Variants in CAMK1D observed in about 807,000 individuals in gnomAD.
The protein encoded by CAMK1D is calcium/calmodulin-dependent protein kinase type 1D.
Under a neutral mutation model 47.7 loss-of-function variants are expected in CAMK1D, and 9 were observed. The ratio of observed to expected loss-of-function variants is 0.19; its 90% CI spans 0.11 to 0.33. The LOEUF is 0.33. CAMK1D is among the 10% of genes least tolerant of loss of function. CAMK1D has a pLI of 1.00. For synonymous variants in CAMK1D, 184 were observed against 184.9 expected, an observed-to-expected ratio of 0.99 and a Z score of 0.04; for missense variants, 291 against 488.7, an observed-to-expected ratio of 0.60 and a Z score of 3.81.
At chr10:12,776,910 C>G (rs969828440) in intron 5 of CAMK1D, among the ~76,000 whole-genome samples, 1 of 152,188 alleles carries the variant, frequency 6.6e-6, no homozygotes, top group Non-Finnish European at 1.5e-5. Flanking sequence ...CCACCTCATT[C>G]CGCCTGAGCT....
chr10:12,816,240 T>C lies in CAMK1D; in HGVS notation c.755-10T>C. The C allele has an allele frequency of 6.2e-7, 1 of 1,613,284 alleles. No homozygotes were observed. ...AGTGATTCCTTCCCTTGTGCCTTCT[T>C]TTTGAACAGCAAAAGACTTCATTCG... On this transcript the variant is annotated splice_polypyrimidine_tract_variant and intron_variant, in intron 7 of 10. Coordinates refer to ENST00000619168, the MANE Select transcript of CAMK1D (RefSeq NM_153498.4).
Position 12,760,989 on chromosome 10 carries a change from G to T in CAMK1D, c.341G>T (p.Gly114Val). 6.2e-7 allele frequency: 1 copy of T among 1,614,116 alleles called. No homozygotes were observed. Among genetic ancestry groups the T allele is most frequent in the South Asian group, 1.1e-5 (1 of 91,074 alleles). Reference sequence around the variant, plus strand: ...CTGTTTGACCGGATAGTGGAGAAGGGGTTTTATACAGAGAAGGATGCCAGC... The same window carrying T: ...CTGTTTGACCGGATAGTGGAGAAGGTGTTTTATACAGAGAAGGATGCCAGC... ...GELFDRIVEK[G>V]FYTEKDASTL... The change falls in exon 4 of 11, where the codon GGG becomes GTG. Residue 114 changes from glycine (G) to valine (V), a missense_variant. Around this residue, in one of 2 missense-constraint regions of CAMK1D, gnomAD observed 219 missense variants for 424.3 expected, o/e 0.52. Transcript: ENST00000619168.
intron 3 of CAMK1D, among the ~76,000 whole-genome samples, chr10:12,690,081 CTG>C (rs1265102742): frequency 6.6e-6 from 1 of 152,168 alleles, no homozygotes; most frequent in African/African-American, 2.4e-5. Flanking sequence ...TGCTCTGTGG[CTG>C]TGGCTGGTCA....
chr10:12,560,633 A>G (rs1296158697), intron 2 of CAMK1D, among the ~76,000 whole-genome samples: 5 of 152,118 alleles, frequency 3.3e-5, no homozygotes, highest in African/African-American at 1.2e-4. Flanking sequence ...CACTTTGCCA[A>G]TGACTGAAAA....
At chr10:12,806,467 C>A (rs921755399) in intron 6 of CAMK1D, among the ~76,000 whole-genome samples, 1 of 152,228 alleles carries the variant, frequency 6.6e-6, no homozygotes, top group Non-Finnish European at 1.5e-5. Context: ...GCTCTCTCTT[C>A]CCTGCCTTCC....
intron 2 of CAMK1D, 58 bp downstream of exon 2, chr10:12,553,414 A>T: frequency 7.0e-7 from 1 of 1,434,032 alleles, no homozygotes; most frequent in Non-Finnish European, 9.8e-7. Context: ...TGTGTCCTGC[A>T]GGAGTCCTGC....
At chr10:12,802,421 CATT>C (rs1330569546) in intron 6 of CAMK1D, among the ~76,000 whole-genome samples, 3 of 152,206 alleles carry the variant, frequency 2.0e-5, no homozygotes, top group Non-Finnish European at 4.4e-5. Context: ...ACAGGGCCAT[CATT>C]ATCCTGGCCA....
At chr10:12,413,502 CAGT>C (rs1839736688) in intron 1 of CAMK1D, among the ~76,000 whole-genome samples, 3 of 50,166 alleles carry the variant, frequency 6.0e-5, no homozygotes, top group African/African-American at 6.4e-5. Flanking sequence ...GCGATGATGA[CAGT>C]GGTGATGATG....
intron 6 of CAMK1D, among the ~76,000 whole-genome samples, chr10:12,808,592 A>G (rs1832466829): frequency 6.6e-6 from 1 of 152,130 alleles, no homozygotes; most frequent in African/African-American, 2.4e-5. Flanking sequence ...AGCCTGGCCA[A>G]CATGGTGAAA....
intron 10 of CAMK1D, chr10:12,826,144 A>G (rs1833200265): frequency 6.3e-6 from 1 of 159,884 alleles, no homozygotes; most frequent in Admixed American, 5.9e-5. Flanking sequence ...CTCAAAAAAA[A>G]AAAAGAAAAA....
chr10:12,416,861 T>C (rs1839867122), intron 1 of CAMK1D, among the ~76,000 whole-genome samples: 1 of 152,180 alleles, frequency 6.6e-6, no homozygotes, highest in Admixed American at 6.5e-5. Context: ...CTGCCAAAAA[T>C]GAGCTTTGCC....
At chr10:12,642,201 T>C (rs11257928) in intron 2 of CAMK1D, among the ~76,000 whole-genome samples, 60,980 of 152,072 alleles carry the variant, frequency 0.4, 13,198 homozygotes, top group South Asian at 0.49. Context: ...TGACGCATCA[T>C]GCTGCATTCA....
chr10:12,635,525 G>A (rs1281636001), intron 2 of CAMK1D, among the ~76,000 whole-genome samples: 2 of 152,126 alleles, frequency 1.3e-5, no homozygotes, highest in African/African-American at 2.4e-5. Flanking sequence ...CTGGGGGAGG[G>A]TGGAGGTGTG....
intron 3 of CAMK1D, among the ~76,000 whole-genome samples, chr10:12,677,941 G>A (rs1027678570): frequency 1.1e-4 from 16 of 151,994 alleles, no homozygotes; most frequent in African/African-American, 1.9e-4. Flanking sequence ...GTCCTTCTCC[G>A]GACTAACGAT....
chr10:12,513,321 C>T (rs1388319241), intron 1 of CAMK1D, among the ~76,000 whole-genome samples: 4 of 152,120 alleles, frequency 2.6e-5, no homozygotes, highest in South Asian at 4.1e-4. Context: ...ATAAATGAAT[C>T]GTGTGGGTCT....
At chr10:12,549,097 C>A (rs1836496566) in intron 1 of CAMK1D, among the ~76,000 whole-genome samples, 1 of 152,100 alleles carries the variant, frequency 6.6e-6, no homozygotes, top group Non-Finnish European at 1.5e-5. Flanking sequence ...CTCAAGTGGT[C>A]TGCCCGCCTT....
chr10:12,559,070 G>A (rs1342110312), intron 2 of CAMK1D, among the ~76,000 whole-genome samples: 3 of 152,082 alleles, frequency 2.0e-5, no homozygotes, highest in South Asian at 4.1e-4. Context: ...CACTTTGGGA[G>A]GCTGAGGCAG....
intron 3 of CAMK1D, among the ~76,000 whole-genome samples, chr10:12,691,513 A>G (rs1372458547): frequency 1.4e-5 from 2 of 142,684 alleles, no homozygotes; most frequent in East Asian, 2.1e-4. Flanking sequence ...GCTCACTGCA[A>G]CCTCTGCCTC....
chr10:12,816,345 G>A lies in CAMK1D; in HGVS notation c.833+17G>A, dbSNP rs766805856. On this transcript the variant is annotated intron_variant, in intron 8 of 10. Coordinates refer to ENST00000619168, the MANE Select transcript of CAMK1D (RefSeq NM_153498.4). ...GCACCCATGGTAAGGAAATGCACCCGCTCAGCAGACCGTGCCATTTAATGC... is the reference window on the plus strand; with the variant it reads ...GCACCCATGGTAAGGAAATGCACCCACTCAGCAGACCGTGCCATTTAATGC... The A allele has an allele frequency of 2.9e-5, 47 of 1,607,990 alleles. No homozygotes were observed. Among genetic ancestry groups the A allele is most frequent in the South Asian group, 4.4e-5 (4 of 90,456 alleles).
Sources: allele counts gnomAD v4.1 joint callset (sites outside exome capture counted in the v4.1 genomes callset), GRCh38; gene constraint gnomAD v4.1.1; regional missense constraint gnomAD v4.1.1; transcripts MANE v1.5; gene names NCBI Gene and HGNC (gene_info 2026-07-23, HGNC 2026-07-21).